The following EBLN2 variants were observed in gnomAD, a reference collection of about 807,000 sequenced individuals.
EBLN2 encodes the protein endogenous Bornavirus like nucleoprotein 2.
For missense variants in EBLN2, 397 were observed against 324.2 expected (o/e 1.22, Z -1.72); for synonymous variants, 131 against 113.6 (o/e 1.15, Z -0.97).
chr3:73,062,191 T>G lies in EBLN2; in HGVS notation c.110T>G (p.Ile37Ser). Residue 37 changes from isoleucine (I) to serine (S), a missense_variant, in exon 1 of 1, where the codon ATT becomes AGT. Ile to Ser is a moderately radical substitution (Grantham distance 142). Coordinates refer to ENST00000533473, the MANE Select transcript of EBLN2 (RefSeq NM_018029.4). ...TTTAGACCTATGATTCTTAACAAAA[T>G]TAAAGAATTAAGTCGGAACCAATTT... ...RSFRPMILNK[I>S]KELSRNQFST... 6.4e-7 allele frequency: 1 copy of G among 1,568,126 alleles called. No homozygotes were observed. Among genetic ancestry groups the G allele is most frequent in the Non-Finnish European group, 8.6e-7 (1 of 1,160,840 alleles).
At position 73,062,000 on chromosome 3, in the gene EBLN2, A is replaced by C. The variant is rs1702869158; in HGVS notation, c.-82A>C. The C allele has an allele frequency of 7.8e-6, 8 of 1,023,362 alleles. No individual in the cohort carries two copies. In the African/African-American group the frequency reaches 1.2e-4, roughly 15 times the overall value. 63.4% of individuals were successfully genotyped at this position (1,023,362 alleles called of 1,614,324 possible). A position where few individuals can be genotyped will look rare whatever the true frequency, so the allele number is the denominator to read the frequency against. On this transcript the variant is annotated 5_prime_UTR_variant, in exon 1 of 1. Transcript: ENST00000533473. Reference sequence around the variant, plus strand: ...GATAAAAATTTCTTTTATGAAGCAAAATATGTTTTGTTTTGCTCATGAACG... The same window carrying C: ...GATAAAAATTTCTTTTATGAAGCAACATATGTTTTGTTTTGCTCATGAACG...
rs747218500 is a variant in EBLN2 at position 73,062,812 on chromosome 3, G to T, written c.731G>T (p.Ser244Ile). The part of the protein sequence containing the change: ...CNAESAIGWI[S>I]SRPWVGELMF... ...GCAGAATCAGCCATAGGTTGGATCA[G>T]CTCAAGACCATGGGTTGGAGAATTA... Residue 244 changes from serine to isoleucine, a missense_variant, in exon 1 of 1, where the codon AGC becomes ATC. Physicochemically the swap from Ser to Ile is moderately radical, Grantham distance 142. Transcript: ENST00000533473. The T allele has an allele frequency of 8.1e-6, 13 of 1,613,960 alleles. No homozygotes were observed. Among genetic ancestry groups the T allele is most frequent in the Middle Eastern group, 1.7e-4 (1 of 6,058 alleles).
chr3:73,062,826 G>T lies in EBLN2; in HGVS notation c.745G>T (p.Val249Phe), dbSNP rs545224554. 9 of 1,613,802 alleles carry T rather than the reference G, an allele frequency of 5.6e-6. No homozygotes were observed. The highest frequency in any genetic ancestry group is 2.2e-5 in the South Asian group (2 of 91,076). Reference protein sequence around the residue: ...AIGWISSRPWVGELMFTLLFG... With the variant: ...AIGWISSRPWFGELMFTLLFG... ...AGGTTGGATCAGCTCAAGACCATGG[G>T]TTGGAGAATTAATGTTCACACTTCT... The change falls in exon 1 of 1, where the codon GTT (valine) becomes TTT (phenylalanine). Residue 249 changes from valine (V) to phenylalanine (F), a missense_variant. Coordinates refer to ENST00000533473, the MANE Select transcript of EBLN2 (RefSeq NM_018029.4).
In EBLN2 at chr3:73,062,987, C is replaced by T; in HGVS notation, c.*87C>T. 1.7e-6 allele frequency: 2 copies of T among 1,155,510 alleles called. No homozygotes were observed. The highest frequency in any genetic ancestry group is 2.5e-6 in the Non-Finnish European group (2 of 798,894). The allele number at this position is 1,155,510 out of a possible 1,614,324, so 71.6% of individuals were successfully genotyped here. ...TGGATGGCTCCATTGCTCTACGGGC[C>T]ATTGTGTCTGAGATCCCAGTCTTTG... On this transcript the variant is annotated 3_prime_UTR_variant, in exon 1 of 1. Coordinates refer to ENST00000533473, the MANE Select transcript of EBLN2 (RefSeq NM_018029.4).
chr3:73,063,227 A>G lies in EBLN2; in HGVS notation c.*327A>G, dbSNP rs7640805. The G allele has an allele frequency of 0.49, 159,094 of 322,272 alleles. 40,648 individuals are homozygous for G. The highest frequency in any genetic ancestry group is 0.58 in the South Asian group (15,446 of 26,664). 20.0% of individuals were successfully genotyped at this position (322,272 alleles called of 1,614,324 possible). On this transcript the variant is annotated 3_prime_UTR_variant, in exon 1 of 1. Transcript: ENST00000533473. ...TCAACCATCACACTCCCTTTGCTTC[A>G]AATGGCATCTACCCCGTAAGATCTT...
rs1012527048 is a variant in EBLN2, at chr3:73,062,972, C to T, written c.*72C>T. 5 of 1,304,898 alleles carry T rather than the reference C, an allele frequency of 3.8e-6. No homozygotes were observed. Among genetic ancestry groups the T allele is most frequent in the Admixed American group, 2.1e-5 (1 of 47,308 alleles). 80.8% of individuals were successfully genotyped at this position (1,304,898 alleles called of 1,614,324 possible). ...TTCTAGATCAGTGCATGGATGGCTCCATTGCTCTACGGGCCATTGTGTCTG... is the reference window on the plus strand; with the variant it reads ...TTCTAGATCAGTGCATGGATGGCTCTATTGCTCTACGGGCCATTGTGTCTG... On this transcript the variant is annotated 3_prime_UTR_variant, in exon 1 of 1. Coordinates refer to ENST00000533473, the MANE Select transcript of EBLN2 (RefSeq NM_018029.4).
chr3:73,061,675 A>C lies in EBLN2; in HGVS notation c.-407A>C, dbSNP rs1188159384. The C allele has an allele frequency of 3.9e-5, 7 of 179,738 alleles. No homozygotes were observed. In the South Asian group the frequency reaches 8.9e-4, roughly 23 times the overall value. 11.1% of individuals were successfully genotyped at this position (179,738 alleles called of 1,614,324 possible). A position where few individuals can be genotyped will look rare whatever the true frequency, so the allele number is the denominator to read the frequency against. The stretch of plus-strand genomic sequence containing the variant: ...TGGAGATGTGAAAGGCAGGGAGGGG[A>C]GGTTGTCCCCTGCTGAGAACCATTG... On this transcript the variant is annotated 5_prime_UTR_variant, in exon 1 of 1. Transcript: ENST00000533473.
chr3:73,062,789 A>G lies in EBLN2; in HGVS notation c.708A>G (p.Ala236=). The change falls in exon 1 of 1, where the codon GCA becomes GCG. Residue 236 remains alanine, a synonymous_variant. Transcript: ENST00000533473. ...ESADLLISCN[A]ESAIGWISSR... Reference sequence around the variant, plus strand: ...CTGATCTGCTAATCAGCTGCAATGCAGAATCAGCCATAGGTTGGATCAGCT... The same window carrying G: ...CTGATCTGCTAATCAGCTGCAATGCGGAATCAGCCATAGGTTGGATCAGCT... 1 of 1,613,978 alleles carries G rather than the reference A, an allele frequency of 6.2e-7. No individual in the cohort carries two copies. Among genetic ancestry groups the G allele is most frequent in the Non-Finnish European group, 8.5e-7 (1 of 1,179,852 alleles).
chr3:73,062,093 T>C lies in EBLN2; in HGVS notation c.12T>C (p.Phe4=). 1 of 1,539,142 alleles carries C rather than the reference T, an allele frequency of 6.5e-7. No individual in the cohort carries two copies. The highest frequency in any genetic ancestry group is 8.7e-7 in the Non-Finnish European group (1 of 1,144,158). Residue 4 remains phenylalanine (F), a synonymous_variant, in exon 1 of 1, where the codon TTT becomes TTC. Transcript: ENST00000533473. ...CATAGCGACTAATAATGGGTTATTT[T>C]CTTAAATTGTATGCTTATGTTAATT... is the stretch of plus-strand genomic sequence containing the variant. MGY[F]LKLYAYVNSH...
At position 73,063,243 on chromosome 3, in the gene EBLN2, G is replaced by A. The variant is rs780602777; in HGVS notation, c.*343G>A. ...CTTTGCTTCAAATGGCATCTACCCC[G>A]TAAGATCTTGAGGGGGGAGTGTTGG... On this transcript the variant is annotated 3_prime_UTR_variant, in exon 1 of 1. Transcript: ENST00000533473. 9.9e-6 allele frequency: 3 copies of A among 302,322 alleles called. No individual in the cohort carries two copies. The highest frequency in any genetic ancestry group is 4.1e-5 in the South Asian group (1 of 24,570). The allele number at this position is 302,322 out of a possible 1,614,324, so 18.7% of individuals were successfully genotyped here. A position where few individuals can be genotyped will look rare whatever the true frequency, so the allele number is the denominator to read the frequency against.
Position 73,062,232 on chromosome 3 carries a change from C to G in EBLN2, c.151C>G (p.Leu51Val), listed in dbSNP as rs768014968. The G allele has an allele frequency of 3.8e-6, 6 of 1,597,754 alleles. No homozygotes were observed. The South Asian group carries it at 6.8e-5, about 18-fold the overall frequency. The change falls in exon 1 of 1, where the codon CTA becomes GTA. Residue 51 changes from leucine (L) to valine (V), a missense_variant. Coordinates refer to ENST00000533473, the MANE Select transcript of EBLN2 (RefSeq NM_018029.4). ...GAACCAATTTTCCACAATGTCTCATCTAAGAAAGGACTCACAGCCCAGCAG... is the reference window on the plus strand; with the variant it reads ...GAACCAATTTTCCACAATGTCTCATGTAAGAAAGGACTCACAGCCCAGCAG... ...SRNQFSTMSH[L>V]RKDSQPSSPG...
Position 73,061,923 on chromosome 3 carries a change from A to G in EBLN2, c.-159A>G. ...AGTTATGTTGCTAAATAAGATACTA[A>G]AATAATCCCATACTATATTTCTTGA... On this transcript the variant is annotated 5_prime_UTR_variant, in exon 1 of 1. Coordinates refer to ENST00000533473, the MANE Select transcript of EBLN2 (RefSeq NM_018029.4). 1 of 595,010 alleles carries G rather than the reference A, an allele frequency of 1.7e-6. No individual in the cohort carries two copies. The allele number at this position is 595,010 out of a possible 1,614,324, so 36.9% of individuals were successfully genotyped here.
chr3:73,062,728 T>G lies in EBLN2; in HGVS notation c.647T>G (p.Met216Arg), dbSNP rs2231927. The part of the protein sequence containing the change: ...LQVQRRFKAM[M>R]ASIGRLSHGE... ...GTTCAGAGACGATTCAAGGCAATGA[T>G]GGCATCTATTGGAAGACTTTCACAT... The change falls in exon 1 of 1, where the codon ATG becomes AGG. Residue 216 changes from methionine (M) to arginine (R), a missense_variant. Physicochemically the swap from Met to Arg is moderately conservative, Grantham distance 91. Transcript: ENST00000533473. 2.4e-3 allele frequency: 3,806 copies of G among 1,614,012 alleles called. 129 individuals carry two copies. In the Admixed American group the frequency reaches 0.055, roughly 23 times the overall value.
At position 73,063,197 on chromosome 3, in the gene EBLN2, C is replaced by T. The variant is rs1168424308; in HGVS notation, c.*297C>T. On this transcript the variant is annotated 3_prime_UTR_variant, in exon 1 of 1. Coordinates refer to ENST00000533473, the MANE Select transcript of EBLN2 (RefSeq NM_018029.4). ...GGATTTAAAGCTCCTGATGTTATAC[C>T]AGGATCAACCATCACACTCCCTTTG... is the stretch of plus-strand genomic sequence containing the variant. The T allele has an allele frequency of 7.5e-6, 3 of 397,436 alleles. No homozygotes were observed. Among genetic ancestry groups the T allele is most frequent in the Non-Finnish European group, 1.4e-5 (3 of 211,980 alleles). The allele number at this position is 397,436 out of a possible 1,614,324, so 24.6% of individuals were successfully genotyped here. A position where few individuals can be genotyped will look rare whatever the true frequency, so the allele number is the denominator to read the frequency against.
rs1702908559 is a variant in EBLN2, at chr3:73,063,230, T to C, written c.*330T>C. ...ACCATCACACTCCCTTTGCTTCAAATGGCATCTACCCCGTAAGATCTTGAG... is the reference window on the plus strand; with the variant it reads ...ACCATCACACTCCCTTTGCTTCAAACGGCATCTACCCCGTAAGATCTTGAG... On this transcript the variant is annotated 3_prime_UTR_variant, in exon 1 of 1. Transcript: ENST00000533473. The C allele has an allele frequency of 3.0e-6, 1 of 329,894 alleles. No homozygotes were observed. The highest frequency in any genetic ancestry group is 2.3e-5 in the African/African-American group (1 of 43,228). 20.4% of individuals were successfully genotyped at this position (329,894 alleles called of 1,614,324 possible).
In EBLN2 at chr3:73,062,656, G is replaced by T; in HGVS notation, c.575G>T (p.Gly192Val). The T allele has an allele frequency of 6.2e-7, 1 of 1,613,934 alleles. No homozygotes were observed. The highest frequency in any genetic ancestry group is 8.5e-7 in the Non-Finnish European group (1 of 1,179,892). The change falls in exon 1 of 1, where the codon GGC becomes GTC. Residue 192 changes from glycine to valine, a missense_variant. Gly to Val is a moderately radical substitution (Grantham distance 109). Transcript: ENST00000533473. ...VLRHCCDLLI[G>V]IAAGSSDKIC... is the part of the protein sequence containing the mutation. Reference sequence around the variant, plus strand: ...CGCCACTGCTGTGACCTTTTGATAGGCATTGCGGCTGGATCAAGTGATAAG... The same window carrying T: ...CGCCACTGCTGTGACCTTTTGATAGTCATTGCGGCTGGATCAAGTGATAAG...
rs1559570506 is a variant in EBLN2 at position 73,063,026 on chromosome 3, C to G, written c.*126C>G. On this transcript the variant is annotated 3_prime_UTR_variant, in exon 1 of 1. Coordinates refer to ENST00000533473, the MANE Select transcript of EBLN2 (RefSeq NM_018029.4). ...TCCCAGTCTTTGAGGAGAAAAAAAA[C>G]AATGGTTAAAAAGGCATTGGGGAAA... 1.1e-6 allele frequency: 1 copy of G among 926,246 alleles called. No homozygotes were observed. The highest frequency in any genetic ancestry group is 1.7e-5 in the African/African-American group (1 of 58,674). 57.4% of individuals were successfully genotyped at this position (926,246 alleles called of 1,614,324 possible). A position where few individuals can be genotyped will look rare whatever the true frequency, so the allele number is the denominator to read the frequency against.
Position 73,062,473 on chromosome 3 carries a change from T to A in EBLN2, c.392T>A (p.Phe131Tyr), listed in dbSNP as rs200840536. Residue 131 changes from phenylalanine to tyrosine, a missense_variant, in exon 1 of 1, where the codon TTC becomes TAC. Transcript: ENST00000533473. ...ACCCCAAGTTTAGTATTCTTGTGTTTCATATTTGATGGGTTACACCAGGCA... is the reference window on the plus strand; with the variant it reads ...ACCCCAAGTTTAGTATTCTTGTGTTACATATTTGATGGGTTACACCAGGCA... ...PVTPSLVFLCFIFDGLHQALL... is the reference protein window; with the variant it reads ...PVTPSLVFLCYIFDGLHQALL... 1.2e-4 allele frequency: 186 copies of A among 1,613,176 alleles called. 1 individual carries two copies. The Middle Eastern group carries it at 2.3e-3, about 20-fold the overall frequency.
Position 73,062,351 on chromosome 3 carries a change from A to G in EBLN2, c.270A>G (p.Ala90=), listed in dbSNP as rs1189105115. The change falls in exon 1 of 1, where the codon GCA becomes GCG. Residue 90 remains alanine (A), a synonymous_variant. Transcript: ENST00000533473. ...AAAACAGACAGTATCCACTGGATGC[A>G]TTGGAACCCCAACCCAGCATTGGGG... is the stretch of plus-strand genomic sequence containing the variant. The part of the protein sequence containing the change: ...SGKNRQYPLD[A]LEPQPSIGDI... 1.2e-6 allele frequency: 2 copies of G among 1,607,208 alleles called. No individual in the cohort carries two copies. The highest frequency in any genetic ancestry group is 1.3e-5 in the African/African-American group (1 of 74,558).
Sources: allele counts gnomAD v4.1 joint callset, GRCh38; gene constraint gnomAD v4.1.1; transcripts MANE v1.5; gene names NCBI Gene and HGNC (gene_info 2026-07-23, HGNC 2026-07-21).